Variants in GART observed in about 807,000 individuals in gnomAD.
GART encodes the protein phosphoribosylglycinamide formyltransferase, phosphoribosylglycinamide synthetase, phosphoribosylaminoimidazole synthetase, also known as trifunctional purine biosynthetic protein adenosine-3.
In GART, 43 loss-of-function variants were observed where a neutral mutation model predicts 107.2. The ratio of observed to expected loss-of-function variants is 0.40; its 90% confidence interval spans 0.31 to 0.52. The LOEUF (loss-of-function observed/expected upper bound fraction) is 0.52, where lower values mean the gene tolerates loss of function less well. Ranked by LOEUF, GART falls within the 20% of genes least tolerant of loss-of-function variation. GART has a pLI of 0.52. For synonymous variants in GART, 434 were observed against 427.0 expected (o/e 1.02, Z -0.20); for missense variants, 1,107 against 1,206.5 (o/e 0.92, Z 1.22).
chr21:33,506,040 A>G lies in GART; in HGVS notation c.2517T>C (p.Ile839=), dbSNP rs753546613. 6.2e-7 allele frequency: 1 copy of G among 1,614,194 alleles called. No homozygotes were observed. Among genetic ancestry groups the G allele is most frequent in the South Asian group, 1.1e-5 (1 of 91,090 alleles). The stretch of plus-strand genomic sequence containing the variant: ...CTACTGCGGCTTTGTTGGAGATAAC[A>G]ATATCAATTTGTGCAGAGCTATTTG... ...REPNSSAQID[I]VISNKAAVAG... Residue 839 remains isoleucine, a synonymous_variant, in exon 19 of 22, where the codon ATT becomes ATC. Transcript: ENST00000381815.
intron 4 of GART, among the ~76,000 whole-genome samples, chr21:33,532,891 T>C (rs554114665): frequency 6.6e-6 from 1 of 152,232 alleles, no homozygotes; most frequent in Non-Finnish European, 1.5e-5. Context: ...GAAGGAGACT[T>C]ACCCAAAGTA....
chr21:33,519,462 G>A (rs2084931768), intron 14 of GART, among the ~76,000 whole-genome samples: 1 of 151,772 alleles, frequency 6.6e-6, no homozygotes, highest in African/African-American at 2.4e-5. Flanking sequence ...GCTGAGGCAG[G>A]AGAATGGTGT....
At chr21:33,507,415 G>A (rs958785144) in intron 18 of GART, among the ~76,000 whole-genome samples, 2 of 152,288 alleles carry the variant, frequency 1.3e-5, no homozygotes, top group Non-Finnish European at 2.9e-5. Context: ...TGGGAGAGAC[G>A]GGGAGAGGGG....
At position 33,534,672 on chromosome 21, in the gene GART, C is replaced by T. The variant is rs1480740354; in HGVS notation, c.323G>A (p.Arg108Lys). 4 of 1,613,734 alleles carry T rather than the reference C, an allele frequency of 2.5e-6. No homozygotes were observed. Among genetic ancestry groups the T allele is most frequent in the Non-Finnish European group, 3.4e-6 (4 of 1,179,828 alleles). Residue 108 changes from arginine (R) to lysine (K), a missense_variant, in exon 4 of 22, where the codon AGG becomes AAG. Transcript: ENST00000381815. ...AEAAQLESSK[R>K]FAKEFMDRHG... ...TCTGTCCATAAACTCTTTGGCAAAC[C>T]TTTTGCTGGACTCTAACTGAGCCGC...
intron 1 of GART, among the ~76,000 whole-genome samples, chr21:33,540,495 A>T (rs188521687): frequency 6.6e-6 from 1 of 152,360 alleles, no homozygotes; most frequent in African/African-American, 2.4e-5. Context: ...CCTAATTCAA[A>T]TAGCGCAATA....
chr21:33,531,138 C>T lies in GART; in HGVS notation c.598-254G>A, dbSNP rs1190641910. 2 of 388,298 alleles carry T rather than the reference C, an allele frequency of 5.2e-6. 1 individual carries two copies. Among genetic ancestry groups the T allele is most frequent in the South Asian group, 1.4e-4 (2 of 13,928 alleles). The allele number at this position is 388,298 out of a possible 1,614,324, so 24.1% of individuals were successfully genotyped here. A position where few individuals can be genotyped will look rare whatever the true frequency, so the allele number is the denominator to read the frequency against. ...AAGCTACTCTCAAAGTAAAAGATTT[C>T]AACCTTTCCCCCACTTTAAGCTTCC... is the stretch of plus-strand genomic sequence containing the variant. On this transcript the variant is annotated intron_variant, in intron 6 of 21. Coordinates refer to ENST00000381815, the MANE Select transcript of GART (RefSeq NM_000819.5).
At chr21:33,506,464 T>C (rs1439407815) in intron 18 of GART, among the ~76,000 whole-genome samples, 1 of 152,178 alleles carries the variant, frequency 6.6e-6, no homozygotes, top group African/African-American at 2.4e-5. Context: ...AAAAAAGAGA[T>C]GTGCCATTTT....
intron 2 of GART, among the ~76,000 whole-genome samples, chr21:33,538,241 CAAAAAAA>C (rs397866694): frequency 1.1e-5 from 1 of 88,408 alleles, no homozygotes; most frequent in Non-Finnish European, 2.2e-5. Context: ...GACTCTGTCT[CAAAAAAA>C]AAAAAAAAAA....
rs1206482649 is a variant in GART at position 33,522,268 on chromosome 21, T to C, written c.1313A>G (p.Lys438Arg). 2 of 1,613,078 alleles carry C rather than the reference T, an allele frequency of 1.2e-6. No homozygotes were observed. Among genetic ancestry groups the C allele is most frequent in the African/African-American group, 2.7e-5 (2 of 75,040 alleles). ...AGCTGCGATATCTACTCCAGATTCC[T>C]TGTAAGTCAAACTCCTAAAGAATTA... ...FLQQPRSLTY[K>R]ESGVDIAAGN... Residue 438 changes from lysine to arginine, a missense_variant, in exon 12 of 22, where the codon AAG (lysine) becomes AGG (arginine). By Grantham distance (26) the Lys-to-Arg change is conservative. Coordinates refer to ENST00000381815, the MANE Select transcript of GART (RefSeq NM_000819.5).
chr21:33,525,604 T>C (rs112765217), intron 10 of GART, among the ~76,000 whole-genome samples: 69 of 152,238 alleles, frequency 4.5e-4, no homozygotes, highest in African/African-American at 1.4e-3. Context: ...CTAATTTTTG[T>C]ATTTTTAGTA....
intron 16 of GART, among the ~76,000 whole-genome samples, chr21:33,514,582 A>C (rs1298196232): frequency 2.0e-5 from 3 of 152,224 alleles, no homozygotes; most frequent in African/African-American, 7.2e-5. Context: ...GCAAATGCAC[A>C]AATCAGTCCT....
At chr21:33,540,084 G>T (rs553308297) in intron 1 of GART, among the ~76,000 whole-genome samples, 1 of 152,260 alleles carries the variant, frequency 6.6e-6, no homozygotes, top group African/African-American at 2.4e-5. Flanking sequence ...ACTGAAAACT[G>T]GGGTAAGCAA....
chr21:33,531,128 TAA>T (rs201412515), intron 6 of GART: 4,012 of 393,722 alleles, frequency 0.01, 31 homozygotes, highest in Non-Finnish European at 0.013. Context: ...ACTCTCAAAG[TAA>T]AAGATTTCAA....
In GART at chr21:33,524,869, G is replaced by C; in HGVS notation, c.1198C>G (p.Leu400Val). The change falls in exon 11 of 22, where the codon CTT becomes GTT. Residue 400 changes from leucine to valine, a missense_variant. By Grantham distance (32) the Leu-to-Val change is conservative. Transcript: ENST00000381815. ...TAIRENLISA[L>V]EEAKKGLAAI... Reference sequence around the variant, plus strand: ...GCTAGTCCTTTCTTGGCTTCCTCAAGGGCTGATATGAGATTTTCCCGGATG... The same window carrying C: ...GCTAGTCCTTTCTTGGCTTCCTCAACGGCTGATATGAGATTTTCCCGGATG... 1 of 1,614,132 alleles carries C rather than the reference G, an allele frequency of 6.2e-7. No individual in the cohort carries two copies. Among genetic ancestry groups the C allele is most frequent in the Non-Finnish European group, 8.5e-7 (1 of 1,180,016 alleles).
Position 33,520,556 on chromosome 21 carries a change from G to A in GART, c.1510C>T (p.Gln504Ter). ...DGVGTKLKIA[Q>*]LCNKHDTIGQ... ...ATGGTATCATGTTTATTGCATAGCT[G>A]GGCAATCTATGTAAGAACAATATAA... is the stretch of plus-strand genomic sequence containing the variant. The change falls in exon 14 of 22, where the codon CAG becomes TAG. Residue 504 changes from glutamine (Q) to a stop codon, truncating the protein, a stop_gained. Transcript: ENST00000381815. LOFTEE classifies it high-confidence loss of function. The A allele has an allele frequency of 6.2e-7, 1 of 1,613,068 alleles. No individual in the cohort carries two copies. The highest frequency in any genetic ancestry group is 8.5e-7 in the Non-Finnish European group (1 of 1,179,212).
rs140666276 is a variant in GART at position 33,511,741 on chromosome 21, G to A, written c.2108-283C>T. 6.3e-3 allele frequency among the ~76,000 whole-genome samples: 961 copies of A among 152,270 alleles called. 30 individuals are homozygous for A. In the South Asian group the frequency reaches 0.084, roughly 13 times the overall value. On this transcript the variant is annotated intron_variant, in intron 16 of 21. Coordinates refer to ENST00000381815, the MANE Select transcript of GART (RefSeq NM_000819.5). ...TTAGACATTCCCTAATGGATCAGAT[G>A]AGCTAGTAGCTGAATTCCAGCAAAG...
At chr21:33,523,066 C>G (rs575234216) in intron 11 of GART, among the ~76,000 whole-genome samples, 106 of 152,304 alleles carry the variant, frequency 7.0e-4, no homozygotes, top group African/African-American at 2.5e-3. Flanking sequence ...TGCATCATTT[C>G]CTTCTGTATA....
chr21:33,526,657 A>G (rs987986222), intron 10 of GART, among the ~76,000 whole-genome samples: 6 of 152,162 alleles, frequency 3.9e-5, no homozygotes, highest in Non-Finnish European at 8.8e-5. Flanking sequence ...TATGATTTTA[A>G]GACAAACTTG....
At chr21:33,511,560 C>A in intron 16 of GART, 102 bp from the exon 17 acceptor site, 1 of 1,203,982 alleles carries the variant, frequency 8.3e-7, no homozygotes, top group East Asian at 2.3e-5. Flanking sequence ...TCAGGCTCTG[C>A]TATTTTATGT....
Sources: gnomAD v4.1 joint callset for allele counts (sites outside exome capture counted in the v4.1 genomes callset) on GRCh38, gnomAD v4.1.1 for gene constraint, MANE v1.5 for transcripts, NCBI Gene and HGNC (gene_info 2026-07-23, HGNC 2026-07-21) for gene names.